CTNND2: variants seen among roughly 807,000 people sequenced by gnomAD.
The protein encoded by CTNND2 is catenin delta 2.
CTNND2 carries 22 observed loss-of-function variants against 144.4 expected under a neutral mutation model. That is an observed-to-expected ratio of 0.15 (90% CI 0.11 to 0.22). CTNND2 has a LOEUF of 0.22. CTNND2 is among the 10% of genes least tolerant of loss of function. CTNND2 has a pLI of 1.00. For synonymous variants in CTNND2, 751 were observed against 695.6 expected, an observed-to-expected ratio of 1.08 and a Z score of -1.25; for missense variants, 1,353 against 1,618.8, an observed-to-expected ratio of 0.84 and a Z score of 2.82.
intron 3 of CTNND2, among the ~76,000 whole-genome samples, chr5:11,438,488 T>G (rs1763970361): frequency 6.6e-6 from 1 of 152,218 alleles, no homozygotes; most frequent in Admixed American, 6.5e-5. Context: ...GGTCCCATAT[T>G]AAAAATCTGT....
chr5:11,494,809 C>A (rs1554071064), intron 3 of CTNND2, among the ~76,000 whole-genome samples: 1 of 152,062 alleles, frequency 6.6e-6, no homozygotes, highest in Non-Finnish European at 1.5e-5. Context: ...TAATGCTATG[C>A]CTCTGATACC....
chr5:11,551,601 T>C (rs1279724907), intron 3 of CTNND2, among the ~76,000 whole-genome samples: 3 of 151,420 alleles, frequency 2.0e-5, no homozygotes, highest in Non-Finnish European at 2.9e-5. Context: ...TTTGTTTTCT[T>C]TGTTTGTTTG....
At chr5:11,691,231 C>T (rs1032182924) in intron 2 of CTNND2, among the ~76,000 whole-genome samples, 3 of 151,950 alleles carry the variant, frequency 2.0e-5, no homozygotes, top group Admixed American at 6.5e-5. Flanking sequence ...ATTAACCAGG[C>T]GTGGTGGTGG....
intron 11 of CTNND2, among the ~76,000 whole-genome samples, chr5:11,177,765 G>A (rs1001039960): frequency 1.3e-5 from 2 of 152,020 alleles, no homozygotes; most frequent in Admixed American, 1.3e-4. Flanking sequence ...AACAACCTTT[G>A]TCATTTTGAT....
At chr5:11,809,889 T>C (rs1792224158) in intron 1 of CTNND2, among the ~76,000 whole-genome samples, 1 of 152,128 alleles carries the variant, frequency 6.6e-6, no homozygotes. Flanking sequence ...CTTGCAGCAG[T>C]TCTCAATGGA....
chr5:11,727,601 A>G (rs1349307473), intron 2 of CTNND2, among the ~76,000 whole-genome samples: 2 of 152,184 alleles, frequency 1.3e-5, no homozygotes, highest in African/African-American at 2.4e-5. Flanking sequence ...TTAAATTTTG[A>G]TATGTGGAGA....
chr5:11,256,499 C>T (rs1245471222), intron 9 of CTNND2, among the ~76,000 whole-genome samples: 3 of 152,156 alleles, frequency 2.0e-5, no homozygotes, highest in Admixed American at 1.3e-4. Context: ...TCATTATCTT[C>T]GCAGTACCTG....
intron 1 of CTNND2, among the ~76,000 whole-genome samples, chr5:11,857,929 G>C (rs1795327747): frequency 6.6e-6 from 1 of 152,166 alleles, no homozygotes; most frequent in Non-Finnish European, 1.5e-5. Context: ...CTGTGAAATG[G>C]AAAAGAGAAC....
chr5:11,754,570 T>C (rs1442688624), intron 1 of CTNND2, among the ~76,000 whole-genome samples: 5 of 151,814 alleles, frequency 3.3e-5, no homozygotes, highest in African/African-American at 9.7e-5. Flanking sequence ...CATCTTCCTC[T>C]ATTATTGTGT....
intron 1 of CTNND2, among the ~76,000 whole-genome samples, chr5:11,801,336 A>G (rs912488326): frequency 3.3e-5 from 5 of 152,228 alleles, no homozygotes; most frequent in African/African-American, 1.2e-4. Flanking sequence ...CTAAGGGCAG[A>G]GCATCCGACT....
chr5:11,668,787 A>G (rs911476058), intron 2 of CTNND2, among the ~76,000 whole-genome samples: 2 of 152,194 alleles, frequency 1.3e-5, no homozygotes, highest in African/African-American at 2.4e-5. Flanking sequence ...CCTGGCCAGA[A>G]CTTCCAATAC....
chr5:11,485,300 G>C (rs760043465), intron 3 of CTNND2, among the ~76,000 whole-genome samples: 3 of 152,002 alleles, frequency 2.0e-5, no homozygotes, highest in Non-Finnish European at 4.4e-5. Flanking sequence ...GGAGGACACA[G>C]TATTTTTTAA....
chr5:11,467,281 C>T (rs1766769822), intron 3 of CTNND2, among the ~76,000 whole-genome samples: 1 of 152,240 alleles, frequency 6.6e-6, no homozygotes, highest in African/African-American at 2.4e-5. Flanking sequence ...CCGCTATGTG[C>T]TTGCTTCATC....
At chr5:11,474,295 C>T (rs1256568615) in intron 3 of CTNND2, among the ~76,000 whole-genome samples, 2 of 152,206 alleles carry the variant, frequency 1.3e-5, no homozygotes, top group Non-Finnish European at 2.9e-5. Context: ...GGCACTGTGA[C>T]ACCTTCTCCC....
intron 20 of CTNND2, among the ~76,000 whole-genome samples, chr5:10,982,326 G>C (rs945321397): frequency 6.6e-6 from 1 of 152,212 alleles, no homozygotes; most frequent in African/African-American, 2.4e-5. Context: ...GGACGGGCAG[G>C]GGGCATCGCC....
At chr5:11,006,347 T>C (rs1740476570) in intron 18 of CTNND2, among the ~76,000 whole-genome samples, 1 of 152,174 alleles carries the variant, frequency 6.6e-6, no homozygotes, top group Non-Finnish European at 1.5e-5. Context: ...CACACCCACG[T>C]GATGGAGATC....
At position 11,636,170 on chromosome 5, in the gene CTNND2, T is replaced by C. The variant is rs117810255; in HGVS notation, c.175-71114A>G. ...AGACATGAGCTGTTTATTTTGTATA[T>C]TGTACTTCTAATGAGCATTAAACAA... On this transcript the variant is annotated intron_variant, in intron 2 of 21. Coordinates refer to ENST00000304623, the MANE Select transcript of CTNND2 (RefSeq NM_001332.4). 2.1e-3 allele frequency among the ~76,000 whole-genome samples: 318 copies of C among 152,164 alleles called. 11 individuals carry two copies. In the East Asian group the frequency reaches 0.054, roughly 26 times the overall value.
rs531546946 is a variant in CTNND2, at chr5:11,657,316, A to G, written c.174+74820T>C. ...ATACATGATAAAAATTTATATCTAG[A>G]TAAGTCTAAACCAGCTTTTCCAAAA... On this transcript the variant is annotated intron_variant, in intron 2 of 21. Coordinates refer to ENST00000304623, the MANE Select transcript of CTNND2 (RefSeq NM_001332.4). Among the ~76,000 whole-genome samples, 132 of 152,248 alleles carry G rather than the reference A, an allele frequency of 8.7e-4. No homozygotes were observed. The Middle Eastern group carries it at 0.01, about 12-fold the overall frequency.
In CTNND2 at chr5:11,541,893, C is replaced by A. The variant is rs927862079; in HGVS notation, c.287+23051G>T. On this transcript the variant is annotated intron_variant, in intron 3 of 21. Coordinates refer to ENST00000304623, the MANE Select transcript of CTNND2 (RefSeq NM_001332.4). ...AACTTTTATTCCTAATTGCTTCCCT[C>A]ACCCCAAGCAACTTTACCACCACAG... 8.2e-5 allele frequency among the ~76,000 whole-genome samples: 12 copies of A among 146,294 alleles called. 1 individual carries two copies. Among genetic ancestry groups the A allele is most frequent in the African/African-American group, 3.0e-4 (12 of 39,696 alleles).
Sources: gnomAD v4.1 joint callset for allele counts (sites outside exome capture counted in the v4.1 genomes callset) on GRCh38, gnomAD v4.1.1 for gene constraint, MANE v1.5 for transcripts, NCBI Gene and HGNC (gene_info 2026-07-23, HGNC 2026-07-21) for gene names.